Variants in PGM1 observed in about 807,000 individuals in gnomAD.
The protein encoded by PGM1 is phosphoglucomutase 1, also known as phosphoglucomutase-1.
A neutral mutation model predicts 55.6 loss-of-function variants in PGM1; 52 were observed. The observed-to-expected ratio is 0.94, with a 90% CI of 0.75 to 1.18. The LOEUF (loss-of-function observed/expected upper bound fraction) is 1.18. Among genes scored for constraint, PGM1 ranks in the 50% most tolerant of loss-of-function variants. The pLI, the probability that PGM1 is intolerant of heterozygous loss-of-function variation, is 0.00. For missense variants in PGM1, 724 were observed against 729.3 expected (o/e 0.99, Z 0.08); for synonymous variants, 287 against 271.7 (o/e 1.06, Z -0.55).
At chr1:63,618,674 G>A (rs1484711566) in intron 1 of PGM1, among the ~76,000 whole-genome samples, 1 of 152,256 alleles carries the variant, frequency 6.6e-6, no homozygotes, top group East Asian at 1.9e-4. Context: ...CTCAAGTGAT[G>A]AGGGGTTACC....
chr1:63,634,949 A>G lies in PGM1; in HGVS notation c.803A>G (p.Tyr268Cys), dbSNP rs1398824212. The change falls in exon 5 of 11, where the codon TAT becomes TGT. Residue 268 changes from tyrosine (Y) to cysteine (C), a missense_variant. Around this residue, in one of 3 missense-constraint regions of PGM1, gnomAD observed 379 missense variants for 357.5 expected, o/e 1.06. Transcript: ENST00000371084. Reference protein sequence around the residue: ...GGHHPDPNLTYAADLVETMKS... With the variant: ...GGHHPDPNLTCAADLVETMKS... ...CACCACCCTGACCCCAACCTCACCTATGCAGCTGACCTGGTGGAGACCATG... is the reference window on the plus strand; with the variant it reads ...CACCACCCTGACCCCAACCTCACCTGTGCAGCTGACCTGGTGGAGACCATG... The G allele has an allele frequency of 1.9e-6, 3 of 1,613,968 alleles. No homozygotes were observed. The highest frequency in any genetic ancestry group is 1.7e-6 in the Non-Finnish European group (2 of 1,179,964).
rs932780206 is a variant in PGM1 at position 63,634,455 on chromosome 1, C to T, written c.683-374C>T. Reference sequence around the variant, plus strand: ...GGCAGAGCTGGGATTTGAACCCAGACACTCTGATTCCAGAGTCCAGGCTCT... The same window carrying T: ...GGCAGAGCTGGGATTTGAACCCAGATACTCTGATTCCAGAGTCCAGGCTCT... On this transcript the variant is annotated intron_variant, in intron 4 of 10. Transcript: ENST00000371084. 2.0e-5 allele frequency among the ~76,000 whole-genome samples: 3 copies of T among 152,176 alleles called. No individual in the cohort carries two copies. The South Asian group carries it at 6.2e-4, about 32-fold the overall frequency.
intron 4 of PGM1, among the ~76,000 whole-genome samples, chr1:63,633,918 G>GTGTATA (rs1407304546): frequency 3.7e-5 from 1 of 26,756 alleles, no homozygotes; most frequent in Non-Finnish European, 7.1e-5. Context: ...GTGTGTGTGT[G>GTGTATA]TATATATATA....
At chr1:63,598,919 T>G (rs855326) in intron 1 of PGM1, among the ~76,000 whole-genome samples, 52,506 of 152,132 alleles carry the variant, frequency 0.35, 9,274 homozygotes, top group East Asian at 0.48. Context: ...GGAACTCCAC[T>G]GTCTCCCGCT....
intron 4 of PGM1, 70 bp from the exon 5 acceptor site, chr1:63,634,759 C>G (rs913415966): frequency 2.2e-6 from 3 of 1,349,896 alleles, no homozygotes; most frequent in Admixed American, 3.4e-5. Context: ...CACCTCACCC[C>G]TGAATCCTCA....
Position 63,651,820 on chromosome 1 carries a change from G to C in PGM1, c.1432G>C (p.Asp478His). ...GAAGGCCGATAACTTTGAATACAGCGACCCAGTGGATGGAAGCATTTCAAG... is the reference window on the plus strand; with the variant it reads ...GAAGGCCGATAACTTTGAATACAGCCACCCAGTGGATGGAAGCATTTCAAG... ...VEKADNFEYS[D>H]PVDGSISRNQ... is the part of the protein sequence containing the mutation. The change falls in exon 9 of 11, where the codon GAC (aspartate) becomes CAC (histidine). Residue 478 changes from aspartate (D) to histidine (H), a missense_variant. By Grantham distance (81) the Asp-to-His change is moderately conservative. Transcript: ENST00000371084. 1 of 1,614,014 alleles carries C rather than the reference G, an allele frequency of 6.2e-7. No homozygotes were observed. The highest frequency in any genetic ancestry group is 1.7e-5 in the Admixed American group (1 of 60,012).
In PGM1 at chr1:63,659,571, CTA is replaced by C. The variant is rs1064794974; in HGVS notation, c.1600-13_1600-12del. Reference sequence around the variant, plus strand: ...GAGGAAGTGATGGAAAAGCTTCTCTCTATGTCTTCCTCAGGTCATGTTGGCCC... The same window carrying C: ...GAGGAAGTGATGGAAAAGCTTCTCTCTGTCTTCCTCAGGTCATGTTGGCCC... On this transcript the variant is annotated splice_polypyrimidine_tract_variant and intron_variant, in intron 10 of 10. Coordinates refer to ENST00000371084, the MANE Select transcript of PGM1 (RefSeq NM_002633.3). 3.7e-6 allele frequency: 6 copies of C among 1,606,004 alleles called. No individual in the cohort carries two copies. Among genetic ancestry groups the C allele is most frequent in the Non-Finnish European group, 5.1e-6 (6 of 1,172,764 alleles).
intron 1 of PGM1, among the ~76,000 whole-genome samples, chr1:63,615,547 C>CTT (rs796858830): frequency 2.1e-5 from 2 of 96,106 alleles, no homozygotes; most frequent in South Asian, 3.7e-4. Flanking sequence ...TCTTCTTCTT[C>CTT]TTCTTTTTTT....
intron 1 of PGM1, among the ~76,000 whole-genome samples, chr1:63,620,964 A>G (rs1261732131): frequency 6.6e-6 from 1 of 152,284 alleles, no homozygotes; most frequent in East Asian, 1.9e-4. Flanking sequence ...GTTTCTTAAT[A>G]GCTGCCCCAC....
At position 63,611,097 on chromosome 1, in the gene PGM1, G is replaced by A. The variant is rs546574889; in HGVS notation, c.246+17363G>A. On this transcript the variant is annotated intron_variant, in intron 1 of 10. Coordinates refer to ENST00000371084, the MANE Select transcript of PGM1 (RefSeq NM_002633.3). The stretch of plus-strand genomic sequence containing the variant: ...CTTAATACAGTGCTGTGTATTTGGG[G>A]CATGCAGTAGTGCATAAAACGGTCT... Among the ~76,000 whole-genome samples, 8 of 152,256 alleles carry A rather than the reference G, an allele frequency of 5.3e-5. No individual in the cohort carries two copies. In the South Asian group the frequency reaches 1.5e-3, roughly 28 times the overall value.
intron 1 of PGM1, among the ~76,000 whole-genome samples, chr1:63,626,502 T>G (rs923845535): frequency 1.3e-5 from 2 of 152,180 alleles, no homozygotes; most frequent in African/African-American, 4.8e-5. Context: ...TTATTTCACT[T>G]AGCATGATGT....
At chr1:63,648,396 C>A in intron 7 of PGM1, 121 bp from the exon 8 acceptor site, 1 of 1,043,346 alleles carries the variant, frequency 9.6e-7, no homozygotes, top group South Asian at 1.3e-5. Flanking sequence ...AATCACTTCC[C>A]ATCACGTCCC....
At chr1:63,606,357 T>G (rs1005924613) in intron 1 of PGM1, among the ~76,000 whole-genome samples, 108 of 152,344 alleles carry the variant, frequency 7.1e-4, no homozygotes, top group African/African-American at 2.6e-3. Context: ...TACTTAAAAG[T>G]TGATAGTAAT....
At chr1:63,622,475 T>G (rs1210376011) in intron 1 of PGM1, among the ~76,000 whole-genome samples, 1 of 152,244 alleles carries the variant, frequency 6.6e-6, no homozygotes, top group Non-Finnish European at 1.5e-5. Flanking sequence ...AAAAACATTT[T>G]ATTAAAAGTC....
In PGM1 at chr1:63,631,410, G is replaced by A. The variant is rs111770475; in HGVS notation, c.557-247G>A. ...GGGCAAGTTTCTTAACCCTTCACAC[G>A]TCGAGTTTCCTCATCTATCAAATAG... On this transcript the variant is annotated intron_variant, in intron 3 of 10. Coordinates refer to ENST00000371084, the MANE Select transcript of PGM1 (RefSeq NM_002633.3). Among the ~76,000 whole-genome samples, 8 of 152,252 alleles carry A rather than the reference G, an allele frequency of 5.3e-5. No individual in the cohort carries two copies. In the East Asian group the frequency reaches 5.8e-4, roughly 11 times the overall value.
intron 1 of PGM1, among the ~76,000 whole-genome samples, chr1:63,614,677 T>C (rs905765899): frequency 2.0e-5 from 3 of 152,126 alleles, no homozygotes; most frequent in African/African-American, 7.2e-5. Context: ...ATATGTAAAA[T>C]GAATGATATA....
chr1:63,608,003 T>C (rs1224567711), intron 1 of PGM1, among the ~76,000 whole-genome samples: 1 of 152,228 alleles, frequency 6.6e-6, no homozygotes, highest in Non-Finnish European at 1.5e-5. Context: ...GACTGAGGAC[T>C]TTCAAAGAAA....
At chr1:63,623,009 G>C (rs1442534501) in intron 1 of PGM1, 1 of 160,932 alleles carries the variant, frequency 6.2e-6, no homozygotes, top group African/African-American at 2.4e-5. Flanking sequence ...CCACACCAGG[G>C]TGTCTTGTTC....
intron 4 of PGM1, 98 bp downstream of exon 4, chr1:63,631,880 T>A: frequency 8.6e-7 from 1 of 1,168,224 alleles, no homozygotes; most frequent in East Asian, 2.3e-5. Flanking sequence ...TTCTCAAGTC[T>A]CTCTGATGGT....
Sources: allele counts gnomAD v4.1 joint callset (sites outside exome capture counted in the v4.1 genomes callset), GRCh38; gene constraint gnomAD v4.1.1; regional missense constraint gnomAD v4.1.1; transcripts MANE v1.5; gene names NCBI Gene and HGNC (gene_info 2026-07-23, HGNC 2026-07-21).